Variants in FHIT observed in about 807,000 individuals in gnomAD.
The protein encoded by FHIT is bis(5'-adenosyl)-triphosphatase.
In FHIT, 19 loss-of-function variants were observed where a neutral mutation model predicts 17.9. The observed-to-expected ratio is 1.06, with a 90% CI of 0.74 to 1.56. The LOEUF is 1.56. Among genes scored for constraint, FHIT ranks in the 40% most tolerant of loss-of-function variants. FHIT has a pLI of 0.00. For synonymous variants in FHIT, 81 were observed against 69.7 expected (o/e 1.16, Z -0.81); for missense variants, 248 against 189.2 (o/e 1.31, Z -1.82).
At chr3:61,018,576 T>C (rs554645694) in intron 3 of FHIT, among the ~76,000 whole-genome samples, 75 of 152,308 alleles carry the variant, frequency 4.9e-4, no homozygotes, top group African/African-American at 1.8e-3. Context: ...AGTAACAGCC[T>C]GTGCAGAACA....
intron 5 of FHIT, among the ~76,000 whole-genome samples, chr3:60,225,566 G>A (rs1236167747): frequency 6.6e-6 from 1 of 152,200 alleles, no homozygotes; most frequent in Non-Finnish European, 1.5e-5. Context: ...AAGACAGTCT[G>A]CACGCAGAAT....
At chr3:60,406,023 C>T (rs997217976) in intron 5 of FHIT, among the ~76,000 whole-genome samples, 3 of 152,102 alleles carry the variant, frequency 2.0e-5, no homozygotes, top group Non-Finnish European at 4.4e-5. Flanking sequence ...CATAACTGCT[C>T]AATTATTATT....
At chr3:60,508,932 CG>C (rs1457090843) in intron 5 of FHIT, among the ~76,000 whole-genome samples, 1 of 152,044 alleles carries the variant, frequency 6.6e-6, no homozygotes, top group Non-Finnish European at 1.5e-5. Context: ...TAAAGACGAA[CG>C]TGATAGTATA....
Position 60,040,033 on chromosome 3 carries a change from T to C in FHIT, c.104-25881A>G, listed in dbSNP as rs568660255. 5.9e-5 allele frequency among the ~76,000 whole-genome samples: 9 copies of C among 152,332 alleles called. No individual in the cohort carries two copies. The East Asian group carries it at 1.7e-3, about 29-fold the overall frequency. On this transcript the variant is annotated intron_variant, in intron 5 of 9. Transcript: ENST00000492590. ...ACAATAATGAGCCAAATGCCTACAA[T>C]AATCAATCACCAAACAAATGTTTAT...
At chr3:60,785,288 T>G (rs566309332) in intron 4 of FHIT, among the ~76,000 whole-genome samples, 1 of 152,232 alleles carries the variant, frequency 6.6e-6, no homozygotes, top group Non-Finnish European at 1.5e-5. Flanking sequence ...TGACTGAGAC[T>G]AGCCCTTGGC....
At chr3:60,162,996 T>TA (rs1294419501) in intron 5 of FHIT, among the ~76,000 whole-genome samples, 1 of 152,166 alleles carries the variant, frequency 6.6e-6, no homozygotes, top group Non-Finnish European at 1.5e-5. Flanking sequence ...CCCAGAACTT[T>TA]AAAAAATTCT....
chr3:59,958,086 A>C (rs1336226295), intron 7 of FHIT, among the ~76,000 whole-genome samples: 2 of 152,226 alleles, frequency 1.3e-5, no homozygotes, highest in Non-Finnish European at 2.9e-5. Context: ...TATTCAGCAT[A>C]GGTAGCCATA....
intron 7 of FHIT, among the ~76,000 whole-genome samples, chr3:59,973,305 G>T (rs1708269091): frequency 6.6e-6 from 1 of 151,964 alleles, no homozygotes; most frequent in African/African-American, 2.4e-5. Context: ...TAGAGACTTG[G>T]ATCCCAAACG....
At chr3:59,953,447 G>T (rs886944335) in intron 7 of FHIT, among the ~76,000 whole-genome samples, 1 of 152,058 alleles carries the variant, frequency 6.6e-6, no homozygotes, top group Admixed American at 6.5e-5. Context: ...TATGTTAGCC[G>T]CACATGATTC....
chr3:59,864,078 G>A (rs758143846), intron 8 of FHIT, among the ~76,000 whole-genome samples: 21 of 152,138 alleles, frequency 1.4e-4, no homozygotes, highest in Non-Finnish European at 2.1e-4. Context: ...CAGCAAGATC[G>A]CAGATGGCAG....
At chr3:60,287,604 G>A (rs780822726) in intron 5 of FHIT, among the ~76,000 whole-genome samples, 15 of 152,174 alleles carry the variant, frequency 9.9e-5, no homozygotes, top group Non-Finnish European at 1.3e-4. Context: ...TGGTGTTTTT[G>A]TGATATGCTT....
chr3:60,106,616 A>G (rs971481959), intron 5 of FHIT, among the ~76,000 whole-genome samples: 3 of 152,156 alleles, frequency 2.0e-5, no homozygotes, highest in African/African-American at 7.2e-5. Context: ...GTACTGTTGT[A>G]TATCAAACAA....
At chr3:60,103,378 T>A (rs972591690) in intron 5 of FHIT, among the ~76,000 whole-genome samples, 8 of 152,212 alleles carry the variant, frequency 5.3e-5, no homozygotes, top group African/African-American at 1.9e-4. Flanking sequence ...CATGGGAATC[T>A]TCACAAGACA....
chr3:60,396,301 T>C (rs567917056), intron 5 of FHIT, among the ~76,000 whole-genome samples: 1 of 152,200 alleles, frequency 6.6e-6, no homozygotes, highest in Non-Finnish European at 1.5e-5. Context: ...GTCACTCACA[T>C]ATAGGGATCT....
intron 3 of FHIT, among the ~76,000 whole-genome samples, chr3:60,867,672 T>C (rs1424809718): frequency 6.6e-6 from 1 of 152,172 alleles, no homozygotes; most frequent in African/African-American, 2.4e-5. Context: ...AAAAGTAACA[T>C]GTTTCATTTC....
At chr3:60,436,197 G>A (rs181355889) in intron 5 of FHIT, among the ~76,000 whole-genome samples, 89 of 152,024 alleles carry the variant, frequency 5.9e-4, no homozygotes, top group African/African-American at 1.8e-3. Flanking sequence ...ACAGGTATGC[G>A]CCACCACATC....
intron 3 of FHIT, among the ~76,000 whole-genome samples, chr3:60,827,998 T>G (rs979597563): frequency 6.6e-6 from 1 of 152,202 alleles, no homozygotes; most frequent in Non-Finnish European, 1.5e-5. Context: ...GGATATATTT[T>G]GGATAGTGGT....
chr3:60,789,126 G>GTA (rs1205325449), intron 4 of FHIT, among the ~76,000 whole-genome samples: 243 of 142,752 alleles, frequency 1.7e-3, no homozygotes, highest in Admixed American at 2.4e-3. Flanking sequence ...ATATAGATAT[G>GTA]TATATATAGA....
chr3:60,916,253 C>A (rs1238453030), intron 3 of FHIT, among the ~76,000 whole-genome samples: 3 of 152,118 alleles, frequency 2.0e-5, no homozygotes, highest in Non-Finnish European at 4.4e-5. Flanking sequence ...ACCTGCATGA[C>A]TATAGTTCTA....
Sources: gnomAD v4.1 joint callset for allele counts (sites outside exome capture counted in the v4.1 genomes callset) on GRCh38, gnomAD v4.1.1 for gene constraint, MANE v1.5 for transcripts, NCBI Gene and HGNC (gene_info 2026-07-23, HGNC 2026-07-21) for gene names.